SCAF8: variants seen among roughly 807,000 people sequenced by gnomAD.
SCAF8 encodes SR-related CTD associated factor 8, also known as SR-related and CTD-associated factor 8.
A neutral mutation model predicts 140.5 loss-of-function variants in SCAF8; 23 were observed. The ratio of observed to expected loss-of-function variants is 0.16; its 90% CI spans 0.12 to 0.23. The LOEUF (loss-of-function observed/expected upper bound fraction) is 0.23, where lower values mean the gene tolerates loss of function less well. Among genes scored for constraint, SCAF8 ranks in the 10% least tolerant of loss-of-function variants. The probability of loss-of-function intolerance (pLI) is 1.00; values close to 1 mark genes in which losing one functional copy is unlikely to be tolerated. For missense variants in SCAF8, 1,397 were observed against 1,555.7 expected (o/e 0.90, Z 1.72); for synonymous variants, 575 against 528.9 (o/e 1.09, Z -1.20).
At position 154,831,022 on chromosome 6, in the gene SCAF8, T is replaced by C; in HGVS notation, c.2241T>C (p.Ala747=). ...IPGGSVASNL[A]TSALPAGNVF... ...GCGGTTCTGTTGCCAGCAATCTTGCTACTTCCGCTCTGCCAGCTGGAAATG... is the reference window on the plus strand; with the variant it reads ...GCGGTTCTGTTGCCAGCAATCTTGCCACTTCCGCTCTGCCAGCTGGAAATG... Residue 747 remains alanine, a synonymous_variant, in exon 19 of 20, where the codon GCT becomes GCC. Transcript: ENST00000367178. 1.2e-6 allele frequency: 2 copies of C among 1,614,106 alleles called. No homozygotes were observed. Among genetic ancestry groups the C allele is most frequent in the Non-Finnish European group, 1.7e-6 (2 of 1,179,942 alleles).
intron 4 of SCAF8, among the ~76,000 whole-genome samples, chr6:154,789,544 ATT>A (rs905985637): frequency 1.2e-4 from 17 of 136,770 alleles, no homozygotes; most frequent in African/African-American, 1.3e-4. Context: ...AATGCTTCTA[ATT>A]TTTTTTTTTT....
chr6:154,812,743 T>A (rs1418825440), intron 12 of SCAF8, among the ~76,000 whole-genome samples: 1 of 152,216 alleles, frequency 6.6e-6, no homozygotes, highest in Non-Finnish European at 1.5e-5. Flanking sequence ...CAAGTGTCCC[T>A]TCTGCATGGG....
At chr6:154,754,794 T>C (rs115470525) in intron 1 of SCAF8, among the ~76,000 whole-genome samples, 281 of 152,368 alleles carry the variant, frequency 1.8e-3, no homozygotes, top group African/African-American at 6.4e-3. Context: ...TTATTCCTTA[T>C]CTTTTCAACT....
At chr6:154,782,235 T>C (rs1226973111) in intron 3 of SCAF8, among the ~76,000 whole-genome samples, 1 of 152,140 alleles carries the variant, frequency 6.6e-6, no homozygotes, top group African/African-American at 2.4e-5. Context: ...GGCAAAACCC[T>C]GTCCCAGCCT....
intron 18 of SCAF8, among the ~76,000 whole-genome samples, chr6:154,829,879 C>G (rs1038211406): frequency 1.3e-5 from 2 of 152,180 alleles, no homozygotes; most frequent in Non-Finnish European, 2.9e-5. Context: ...TGCACTCTAG[C>G]CTGGCAACCG....
intron 19 of SCAF8, among the ~76,000 whole-genome samples, 177 bp from the exon 20 acceptor site, chr6:154,831,762 C>CT (rs1465718415): frequency 2.3e-4 from 28 of 120,912 alleles, no homozygotes; most frequent in African/African-American, 7.8e-4. Flanking sequence ...TTTAGAAAGG[C>CT]TTTTATTAAA....
intron 1 of SCAF8, among the ~76,000 whole-genome samples, chr6:154,736,381 C>A (rs534209516): frequency 2.9e-4 from 44 of 151,366 alleles, no homozygotes; most frequent in Middle Eastern, 3.4e-3. Flanking sequence ...AGCAATTCTC[C>A]TGCTTCAGCC....
intron 7 of SCAF8, among the ~76,000 whole-genome samples, 154 bp from the exon 8 acceptor site, chr6:154,803,390 A>G (rs1171125847): frequency 2.0e-5 from 3 of 152,220 alleles, no homozygotes; most frequent in East Asian, 1.9e-4. Flanking sequence ...GATCTACTCA[A>G]AACACTTTAT....
intron 19 of SCAF8, 85 bp from the exon 20 acceptor site, chr6:154,831,854 G>A: frequency 1.8e-6 from 2 of 1,102,250 alleles, no homozygotes; most frequent in Non-Finnish European, 2.6e-6. Context: ...TTGATTATTG[G>A]GGGATACAAG....
At chr6:154,803,520 T>G in intron 7 of SCAF8, 24 bp from the exon 8 acceptor site, 1 of 1,563,884 alleles carries the variant, frequency 6.4e-7, no homozygotes, top group Non-Finnish European at 8.8e-7. Context: ...TTTTAATATG[T>G]CTGTTTCTCC....
At chr6:154,783,108 G>C (rs1777131967) in intron 3 of SCAF8, among the ~76,000 whole-genome samples, 2 of 152,142 alleles carry the variant, frequency 1.3e-5, no homozygotes, top group Non-Finnish European at 2.9e-5. Flanking sequence ...ATGATTTGGT[G>C]ACTTTTCTAC....
chr6:154,762,940 G>C (rs1468354282), intron 1 of SCAF8, among the ~76,000 whole-genome samples: 1 of 152,128 alleles, frequency 6.6e-6, no homozygotes, highest in Non-Finnish European at 1.5e-5. Context: ...TGCAGCAGCA[G>C]GTGATGCACT....
intron 12 of SCAF8, among the ~76,000 whole-genome samples, chr6:154,814,869 G>A (rs924546005): frequency 2.6e-5 from 4 of 152,120 alleles, no homozygotes; most frequent in Non-Finnish European, 5.9e-5. Context: ...GGGGTTAAGG[G>A]GTTCTGATTT....
intron 1 of SCAF8, among the ~76,000 whole-genome samples, chr6:154,750,152 A>G (rs1429506768): frequency 1.3e-5 from 2 of 152,068 alleles, no homozygotes; most frequent in Non-Finnish European, 2.9e-5. Flanking sequence ...TCTCACCAAG[A>G]ATAAAAGAAA....
chr6:154,788,056 A>C, intron 4 of SCAF8, 34 bp downstream of exon 4: 1 of 1,553,406 alleles, frequency 6.4e-7, no homozygotes, highest in Non-Finnish European at 8.7e-7. Context: ...TGTTTTTTTA[A>C]AAGTAGATAC....
chr6:154,824,255 C>T lies in SCAF8; in HGVS notation c.1948C>T (p.Pro650Ser). 2.5e-6 allele frequency: 4 copies of T among 1,613,906 alleles called. No individual in the cohort carries two copies. In the South Asian group the frequency reaches 3.3e-5, roughly 13 times the overall value. The change falls in exon 17 of 20, where the codon CCT becomes TCT. Residue 650 changes from proline (P) to serine (S), a missense_variant. Transcript: ENST00000367178. ...AAAGATTCCAGTGGCGCCAGCCGTG[C>T]CTACAGTTAGTTTAGTCCCACCAGC... ...MLQIPVAPAVPTVSLVPPAFP... is the reference protein window; with the variant it reads ...MLQIPVAPAVSTVSLVPPAFP...
chr6:154,736,878 G>A (rs1409384600), intron 1 of SCAF8, among the ~76,000 whole-genome samples: 1 of 152,086 alleles, frequency 6.6e-6, no homozygotes, highest in Non-Finnish European at 1.5e-5. Context: ...TAACTTCACC[G>A]TGTTTCAAAG....
intron 3 of SCAF8, among the ~76,000 whole-genome samples, chr6:154,782,722 A>G (rs1318204014): frequency 6.6e-6 from 1 of 152,178 alleles, no homozygotes; most frequent in Admixed American, 6.5e-5. Flanking sequence ...GAGTCTCAAA[A>G]CTGAAGAACT....
At chr6:154,781,723 T>C (rs974372886) in intron 3 of SCAF8, among the ~76,000 whole-genome samples, 1 of 152,220 alleles carries the variant, frequency 6.6e-6, no homozygotes, top group Admixed American at 6.5e-5. Context: ...TTGTAGTTTT[T>C]GGTTATTATG....
Sources: gnomAD v4.1 joint callset for allele counts (sites outside exome capture counted in the v4.1 genomes callset) on GRCh38, gnomAD v4.1.1 for gene constraint, MANE v1.5 for transcripts, NCBI Gene and HGNC (gene_info 2026-07-23, HGNC 2026-07-21) for gene names.